The following ANKRD7 variants were observed in gnomAD, a reference collection of about 807,000 sequenced individuals.
ANKRD7 encodes the protein ankyrin repeat domain 7.
ANKRD7 carries 30 observed loss-of-function variants against 30.8 expected under a neutral mutation model. The observed-to-expected ratio is 0.97, with a 90% CI of 0.73 to 1.32. The LOEUF (loss-of-function observed/expected upper bound fraction) is 1.32. ANKRD7 is among the 40% of genes most tolerant of loss of function. The pLI is 0.00. For missense variants in ANKRD7, 264 were observed against 295.7 expected (o/e 0.89, Z 0.79); for synonymous variants, 97 against 106.6 (o/e 0.91, Z 0.55).
chr7:118,232,183 TTTTG>T (rs934821413), intron 1 of ANKRD7, among the ~76,000 whole-genome samples: 5 of 152,144 alleles, frequency 3.3e-5, no homozygotes, highest in East Asian at 1.9e-4. Flanking sequence ...CAAATTTTTT[TTTTG>T]TTTGTTTGTT....
chr7:118,231,735 T>C (rs776464440), intron 1 of ANKRD7, among the ~76,000 whole-genome samples: 2 of 152,106 alleles, frequency 1.3e-5, no homozygotes, highest in African/African-American at 2.4e-5. Context: ...AAATTTCTGG[T>C]ATCTGATCAT....
chr7:118,240,750 T>A (rs771560810), intron 6 of ANKRD7, among the ~76,000 whole-genome samples: 4 of 152,136 alleles, frequency 2.6e-5, no homozygotes, highest in Non-Finnish European at 5.9e-5. Flanking sequence ...GTAGTTAATA[T>A]AAGATATACG....
At chr7:118,228,732 A>G (rs1208656836) in intron 1 of ANKRD7, among the ~76,000 whole-genome samples, 1 of 152,198 alleles carries the variant, frequency 6.6e-6, no homozygotes, top group African/African-American at 2.4e-5. Context: ...TTGATTAAAC[A>G]GCAAATCTTG....
At chr7:118,232,145 G>A (rs1243952974) in intron 1 of ANKRD7, among the ~76,000 whole-genome samples, 1 of 151,954 alleles carries the variant, frequency 6.6e-6, no homozygotes, top group Non-Finnish European at 1.5e-5. Context: ...TACATTATAT[G>A]TGTAAACATA....
At chr7:118,233,357 A>G (rs1406818301) in intron 1 of ANKRD7, among the ~76,000 whole-genome samples, 1 of 152,012 alleles carries the variant, frequency 6.6e-6, no homozygotes, top group South Asian at 2.1e-4. Context: ...ATTGGTTAAA[A>G]TTTGGCTTTT....
In ANKRD7 at chr7:118,234,865, G is replaced by A. The variant is rs539928890; in HGVS notation, c.459G>A (p.Ala153=). ...KLLEYEADLE[A]KNKDGYTPLL... ...TTGAATACGAAGCTGATCTTGAAGC[G>A]AAAAATAAGGTAGTTTTCTATTAAA... Residue 153 remains alanine, a synonymous_variant, in exon 3 of 7, where the codon GCG becomes GCA. Transcript: ENST00000265224. 2.4e-4 allele frequency: 387 copies of A among 1,592,022 alleles called. No individual in the cohort carries two copies. The highest frequency in any genetic ancestry group is 2.1e-3 in the African/African-American group (155 of 73,564).
chr7:118,239,370 C>T (rs1809784361), intron 5 of ANKRD7, among the ~76,000 whole-genome samples: 2 of 152,130 alleles, frequency 1.3e-5, no homozygotes, highest in African/African-American at 2.4e-5. Context: ...CTGAAACACC[C>T]CTGTCCCCCT....
chr7:118,238,638 A>G (rs1178326000), intron 5 of ANKRD7, among the ~76,000 whole-genome samples: 1 of 152,212 alleles, frequency 6.6e-6, no homozygotes, highest in East Asian at 1.9e-4. Flanking sequence ...AAAATTAGTG[A>G]AACACTTCCA....
chr7:118,228,791 C>T (rs971106893), intron 1 of ANKRD7, among the ~76,000 whole-genome samples: 10 of 152,242 alleles, frequency 6.6e-5, no homozygotes, highest in Middle Eastern at 6.8e-3. Flanking sequence ...TTCTTGCCAC[C>T]TTTATAAGTA....
At chr7:118,235,889 T>G in intron 3 of ANKRD7, 152 bp from the exon 4 acceptor site, 1 of 510,490 alleles carries the variant, frequency 2.0e-6, no homozygotes, top group Non-Finnish European at 3.5e-6. Context: ...TTCTTGGTCT[T>G]TGAAATCACA....
intron 1 of ANKRD7, among the ~76,000 whole-genome samples, chr7:118,229,120 C>T (rs1033678794): frequency 2.0e-5 from 3 of 152,116 alleles, no homozygotes; most frequent in African/African-American, 7.2e-5. Flanking sequence ...TACTGTTCCA[C>T]AGAAATGCAA....
chr7:118,229,553 A>G (rs1366879980), intron 1 of ANKRD7, among the ~76,000 whole-genome samples: 1 of 152,148 alleles, frequency 6.6e-6, no homozygotes, highest in Admixed American at 6.5e-5. Flanking sequence ...ACACATATAA[A>G]TGGGAGAACT....
intron 1 of ANKRD7, among the ~76,000 whole-genome samples, chr7:118,226,216 T>A (rs1809538253): frequency 6.6e-6 from 1 of 152,254 alleles, no homozygotes; most frequent in South Asian, 2.1e-4. Context: ...AGGCTCTGTC[T>A]TGGCATACTT....
At chr7:118,242,289 T>C (rs924512760) in intron 6 of ANKRD7, 60 bp from the exon 7 acceptor site, 2 of 152,216 alleles carry the variant, frequency 1.3e-5, no homozygotes, top group African/African-American at 2.4e-5. Context: ...AAGAAATACA[T>C]GTAGAAATGG....
intron 5 of ANKRD7, among the ~76,000 whole-genome samples, chr7:118,237,745 CA>C (rs1200994441): frequency 6.6e-6 from 1 of 151,712 alleles, no homozygotes; most frequent in Non-Finnish European, 1.5e-5. Context: ...ACTTTAGACA[CA>C]AAAGAATTTT....
intron 1 of ANKRD7, among the ~76,000 whole-genome samples, chr7:118,228,552 T>TAG (rs1457339323): frequency 4.6e-5 from 7 of 152,198 alleles, no homozygotes; most frequent in Admixed American, 4.6e-4. Flanking sequence ...CTCCATCACA[T>TAG]CACTACTTAG....
At chr7:118,234,025 T>C (rs1052139270) in intron 1 of ANKRD7, among the ~76,000 whole-genome samples, 1 of 152,172 alleles carries the variant, frequency 6.6e-6, no homozygotes, top group Non-Finnish European at 1.5e-5. Context: ...AACACACAAT[T>C]AGGTACAGCA....
intron 1 of ANKRD7, among the ~76,000 whole-genome samples, chr7:118,225,507 C>T (rs1465440053): frequency 6.6e-6 from 1 of 151,122 alleles, no homozygotes; most frequent in Admixed American, 6.6e-5. Flanking sequence ...AAAAAAATTG[C>T]TTGCTTGAAT....
At chr7:118,241,170 A>G (rs981388445) in intron 6 of ANKRD7, among the ~76,000 whole-genome samples, 3 of 150,148 alleles carry the variant, frequency 2.0e-5, no homozygotes, top group African/African-American at 7.3e-5. Context: ...CAAAAAAAAA[A>G]AAAAAAAAAA....
Sources: allele counts gnomAD v4.1 joint callset (sites outside exome capture counted in the v4.1 genomes callset), GRCh38; gene constraint gnomAD v4.1.1; transcripts MANE v1.5; gene names NCBI Gene and HGNC (gene_info 2026-07-23, HGNC 2026-07-21).